EFCAB6: variants seen among roughly 807,000 people sequenced by gnomAD.
EFCAB6 encodes the protein EF-hand calcium-binding domain-containing protein 6.
A neutral mutation model predicts 169.8 loss-of-function variants in EFCAB6; 156 were observed. The observed-to-expected ratio is 0.92, with a 90% confidence interval of 0.81 to 1.05. The LOEUF is 1.05. EFCAB6 is among the 50% of genes least tolerant of loss of function. EFCAB6 has a pLI of 0.00. For missense variants in EFCAB6, 1,800 were observed against 1,829.1 expected (o/e 0.98, Z 0.29); for synonymous variants, 698 against 676.4 (o/e 1.03, Z -0.50).
intron 10 of EFCAB6, among the ~76,000 whole-genome samples, chr22:43,695,158 T>G (rs922450785): frequency 3.3e-5 from 5 of 152,052 alleles, no homozygotes; most frequent in African/African-American, 1.2e-4. Context: ...AATAAAGTCA[T>G]GATATTCAAA....
At chr22:43,595,222 G>C (rs151103180) in intron 23 of EFCAB6, among the ~76,000 whole-genome samples, 1 of 151,174 alleles carries the variant, frequency 6.6e-6, no homozygotes, top group Non-Finnish European at 1.5e-5. Flanking sequence ...CAAGAAACTA[G>C]AAGAGCAAGA....
At chr22:43,729,366 G>A (rs1179678279) in intron 8 of EFCAB6, among the ~76,000 whole-genome samples, 3 of 152,188 alleles carry the variant, frequency 2.0e-5, no homozygotes, top group East Asian at 3.9e-4. Flanking sequence ...CAAAGTGCTG[G>A]GATTACAGGC....
At chr22:43,611,532 C>T (rs550936455) in intron 21 of EFCAB6, among the ~76,000 whole-genome samples, 7 of 152,180 alleles carry the variant, frequency 4.6e-5, no homozygotes, top group Non-Finnish European at 1.0e-4. Flanking sequence ...CGTGGTGGCT[C>T]ACACCTATAA....
chr22:43,545,321 C>T (rs2047989417), intron 27 of EFCAB6, among the ~76,000 whole-genome samples: 1 of 152,138 alleles, frequency 6.6e-6, no homozygotes, highest in South Asian at 2.1e-4. Context: ...GAAACTATCA[C>T]TTCTAAATAG....
In EFCAB6 at chr22:43,558,923, C is replaced by T. The variant is rs182583863; in HGVS notation, c.3421-3827G>A. On this transcript the variant is annotated intron_variant, in intron 26 of 31. Transcript: ENST00000262726. Reference sequence around the variant, plus strand: ...AACCAAACCTGCAAAGTCTCTGAGACATGCCTGTATGAAGAAATGCCACAT... The same window carrying T: ...AACCAAACCTGCAAAGTCTCTGAGATATGCCTGTATGAAGAAATGCCACAT... 5.2e-3 allele frequency among the ~76,000 whole-genome samples: 791 copies of T among 152,298 alleles called. 4 individuals are homozygous for T. Among genetic ancestry groups the T allele is most frequent in the Middle Eastern group, 0.041 (12 of 294 alleles).
At chr22:43,618,202 GA>G (rs781080628) in intron 20 of EFCAB6, among the ~76,000 whole-genome samples, 4 of 146,316 alleles carry the variant, frequency 2.7e-5, no homozygotes, top group Non-Finnish European at 4.5e-5. Flanking sequence ...AAGAAAGAAA[GA>G]AAGAAAGAAA....
chr22:43,600,298 A>G (rs2052404099), intron 22 of EFCAB6, 35 bp from the exon 23 acceptor site: 1 of 1,606,014 alleles, frequency 6.2e-7, no homozygotes, highest in Non-Finnish European at 8.5e-7. Context: ...AGCACTTCTC[A>G]GTAGCCAGTA....
intron 4 of EFCAB6, among the ~76,000 whole-genome samples, chr22:43,765,634 G>A (rs964668950): frequency 2.0e-5 from 3 of 151,926 alleles, no homozygotes; most frequent in Admixed American, 6.6e-5. Flanking sequence ...ACTGAAAGTC[G>A]AGTTATCTAC....
chr22:43,578,202 C>T (rs1352543274), intron 25 of EFCAB6, among the ~76,000 whole-genome samples: 1 of 152,156 alleles, frequency 6.6e-6, no homozygotes, highest in Non-Finnish European at 1.5e-5. Flanking sequence ...CGCTGAGCCT[C>T]AGTTTCCCCT....
chr22:43,784,285 C>T (rs66548292), intron 2 of EFCAB6, among the ~76,000 whole-genome samples: 23,097 of 151,708 alleles, frequency 0.15, 1,817 homozygotes, highest in South Asian at 0.22. Context: ...AGAAATACTT[C>T]CCTGAGCAAA....
intron 26 of EFCAB6, among the ~76,000 whole-genome samples, chr22:43,570,606 T>A (rs2049791031): frequency 9.7e-6 from 1 of 103,340 alleles, no homozygotes; most frequent in African/African-American, 3.9e-5. Flanking sequence ...GCCGTTTAGG[T>A]GTTCTCTTTT....
intron 12 of EFCAB6, among the ~76,000 whole-genome samples, chr22:43,681,610 T>TTA (rs1351080499): frequency 1.3e-5 from 2 of 152,182 alleles, no homozygotes; most frequent in Non-Finnish European, 2.9e-5. Flanking sequence ...TATTTGATTT[T>TTA]TTAAAATGTT....
At chr22:43,655,339 G>A (rs1367758391) in intron 17 of EFCAB6, among the ~76,000 whole-genome samples, 1 of 152,100 alleles carries the variant, frequency 6.6e-6, no homozygotes, top group Non-Finnish European at 1.5e-5. Flanking sequence ...GCTAAAGGGA[G>A]TATTTTAAAA....
chr22:43,552,270 G>A (rs754354152), intron 27 of EFCAB6: 1 of 152,168 alleles, frequency 6.6e-6, no homozygotes, highest in Admixed American at 6.5e-5. Context: ...ACATACGTGT[G>A]TGTATCTTTA....
intron 30 of EFCAB6, among the ~76,000 whole-genome samples, chr22:43,534,059 C>T (rs2047241708): frequency 6.6e-6 from 1 of 152,188 alleles, no homozygotes; most frequent in Non-Finnish European, 1.5e-5. Flanking sequence ...TCAAGACCAG[C>T]CTGGGCAACA....
intron 10 of EFCAB6, among the ~76,000 whole-genome samples, chr22:43,697,922 G>A (rs2058633901): frequency 6.6e-6 from 1 of 152,198 alleles, no homozygotes; most frequent in Non-Finnish European, 1.5e-5. Context: ...AGCAAAGGGT[G>A]ACAGAGGCAA....
intron 29 of EFCAB6, chr22:43,535,828 T>C (rs4823127): frequency 0.14 from 21,205 of 152,224 alleles, 1,594 homozygotes; most frequent in Middle Eastern, 0.19. Flanking sequence ...AGAGAGGCTG[T>C]TGCACGTTCT....
At position 43,626,537 on chromosome 22, in the gene EFCAB6, C is replaced by G. The variant is rs770741443; in HGVS notation, c.2375G>C (p.Arg792Thr). The change falls in exon 20 of 32, where the codon AGA becomes ACA. Residue 792 changes from arginine to threonine, a missense_variant. Arg to Thr is a moderately conservative substitution (Grantham distance 71). Transcript: ENST00000262726. ...CCGAAAATTTAAAGTGACACTAAGT[C>G]TCAAGCCAAGAAGGCCAAGGAAGCG... ...FERFLGLLGL[R>T]LSVTLNFREF... The G allele has an allele frequency of 4.3e-6, 7 of 1,614,036 alleles. No homozygotes were observed. The Admixed American group carries it at 6.7e-5, about 15-fold the overall frequency.
chr22:43,766,196 C>A (rs533850760), intron 4 of EFCAB6, among the ~76,000 whole-genome samples: 3 of 152,208 alleles, frequency 2.0e-5, no homozygotes, highest in Admixed American at 6.5e-5. Context: ...TCACACCCAG[C>A]TAATTTTTGA....
Sources: gnomAD v4.1 joint callset for allele counts (sites outside exome capture counted in the v4.1 genomes callset) on GRCh38, gnomAD v4.1.1 for gene constraint, MANE v1.5 for transcripts, NCBI Gene and HGNC (gene_info 2026-07-23, HGNC 2026-07-21) for gene names.